The following FBXL7 variants were observed in gnomAD, a reference collection of about 807,000 sequenced individuals.
The protein encoded by FBXL7 is F-box and leucine rich repeat protein 7.
Under a neutral mutation model 38.3 loss-of-function variants are expected in FBXL7, and 12 were observed. The observed-to-expected ratio is 0.31, with a 90% CI of 0.20 to 0.51. The LOEUF is 0.51. FBXL7 is among the 20% of genes least tolerant of loss of function. The pLI is 0.98. For synonymous variants in FBXL7, 297 were observed against 300.9 expected, an observed-to-expected ratio of 0.99 and a Z score of 0.13; for missense variants, 567 against 676.4, an observed-to-expected ratio of 0.84 and a Z score of 1.79.
rs112324409 is a variant in FBXL7, at chr5:15,630,511, T to C, written c.127+14439T>C. ...TTTTTTTTGGTTCACTGATTTGTTATGGAGAAAAAGTTAAGACAAACATTC... is the reference window on the plus strand; with the variant it reads ...TTTTTTTTGGTTCACTGATTTGTTACGGAGAAAAAGTTAAGACAAACATTC... On this transcript the variant is annotated intron_variant, in intron 2 of 3. Transcript: ENST00000504595. Among the ~76,000 whole-genome samples, 1,033 of 152,156 alleles carry C rather than the reference T, an allele frequency of 6.8e-3. 10 individuals carry two copies. Among genetic ancestry groups the C allele is most frequent in the African/African-American group, 0.024 (1,003 of 41,522 alleles).
At chr5:15,564,293 G>T (rs1215381789) in intron 1 of FBXL7, among the ~76,000 whole-genome samples, 1 of 151,650 alleles carries the variant, frequency 6.6e-6, no homozygotes, top group Non-Finnish European at 1.5e-5. Context: ...TTTTAGTATA[G>T]TCATTCTTAC....
At position 15,928,587 on chromosome 5, in the gene FBXL7, T is replaced by G; in HGVS notation, c.739+86T>G. The G allele has an allele frequency of 1.3e-6, 2 of 1,498,156 alleles. No individual in the cohort carries two copies. 92.8% of individuals were successfully genotyped at this position (1,498,156 alleles called of 1,614,324 possible). ...GGACAGTGCCACCACCGGAGGGTCC[T>G]CTTCTTGCAAGCCATCAGAGATGGG... On this transcript the variant is annotated intron_variant, in intron 3 of 3. Coordinates refer to ENST00000504595, the MANE Select transcript of FBXL7 (RefSeq NM_012304.5). The surrounding 1 kb of genome is among the most constrained non-coding windows in gnomAD (Gnocchi z 4.0).
chr5:15,725,085 T>C (rs1476894857), intron 2 of FBXL7, among the ~76,000 whole-genome samples: 3 of 152,244 alleles, frequency 2.0e-5, no homozygotes, highest in Non-Finnish European at 4.4e-5. Context: ...TTCTGTGTCC[T>C]CTTGGGTAAG....
intron 2 of FBXL7, among the ~76,000 whole-genome samples, chr5:15,694,106 G>A (rs1173063901): frequency 6.6e-6 from 1 of 152,112 alleles, no homozygotes; most frequent in Admixed American, 6.6e-5. Context: ...CTCAACCCTA[G>A]ACGCTGCTGT....
intron 1 of FBXL7, among the ~76,000 whole-genome samples, chr5:15,549,877 T>G (rs1257141756): frequency 6.6e-6 from 1 of 152,172 alleles, no homozygotes; most frequent in Non-Finnish European, 1.5e-5. Context: ...ATCTGGCCAT[T>G]GCAGTTGGGG....
intron 2 of FBXL7, among the ~76,000 whole-genome samples, chr5:15,853,633 C>T (rs1739167302): frequency 6.6e-6 from 1 of 152,112 alleles, no homozygotes; most frequent in Admixed American, 6.6e-5. Flanking sequence ...AAGTCCAAGT[C>T]CTTCATGCCC....
intron 2 of FBXL7, among the ~76,000 whole-genome samples, chr5:15,703,087 A>G (rs1005705527): frequency 2.6e-5 from 4 of 152,228 alleles, no homozygotes; most frequent in Admixed American, 2.6e-4. Flanking sequence ...GGAACCAGCC[A>G]TCTGGATGTG....
At chr5:15,913,189 A>G (rs1741485571) in intron 2 of FBXL7, among the ~76,000 whole-genome samples, 1 of 151,208 alleles carries the variant, frequency 6.6e-6, no homozygotes, top group Non-Finnish European at 1.5e-5. Flanking sequence ...ACAAAACTTT[A>G]TGTTAAAAGA....
At chr5:15,734,056 A>C (rs1174410546) in intron 2 of FBXL7, among the ~76,000 whole-genome samples, 2 of 151,212 alleles carry the variant, frequency 1.3e-5, no homozygotes, top group Non-Finnish European at 1.5e-5. Flanking sequence ...GGAGGGTTGC[A>C]GTGCACCAAG....
At chr5:15,877,112 C>T (rs1472577953) in intron 2 of FBXL7, among the ~76,000 whole-genome samples, 2 of 152,158 alleles carry the variant, frequency 1.3e-5, no homozygotes, top group Non-Finnish European at 2.9e-5. Flanking sequence ...CAAATCAAAC[C>T]CCCAGCACAC....
chr5:15,876,810 T>A (rs1355684538), intron 2 of FBXL7, among the ~76,000 whole-genome samples: 1 of 152,198 alleles, frequency 6.6e-6, no homozygotes, highest in African/African-American at 2.4e-5. Context: ...TAGAAAGTAT[T>A]TTCACTACAT....
In FBXL7 at chr5:15,923,311, A is replaced by AAATAT. The variant is rs1443223639; in HGVS notation, c.128-4577_128-4573dup. Among the ~76,000 whole-genome samples, 9 of 152,326 alleles carry AAATAT rather than the reference A, an allele frequency of 5.9e-5. No individual in the cohort carries two copies. In the South Asian group the frequency reaches 1.2e-3, roughly 21 times the overall value. ...CTTTCTACATTCTCTTCTGTGAACG[A>AAATAT]AATATACTACTTAGGAGATAGAAAT... On this transcript the variant is annotated intron_variant, in intron 2 of 3. Transcript: ENST00000504595.
chr5:15,781,787 C>A (rs903484790), intron 2 of FBXL7, among the ~76,000 whole-genome samples: 1 of 151,972 alleles, frequency 6.6e-6, no homozygotes, highest in Non-Finnish European at 1.5e-5. Context: ...AAAACTGGGG[C>A]AGATGTTGAA....
At chr5:15,749,168 C>T (rs1233493633) in intron 2 of FBXL7, among the ~76,000 whole-genome samples, 1 of 147,200 alleles carries the variant, frequency 6.8e-6, no homozygotes, top group East Asian at 2.0e-4. Flanking sequence ...TTGCTTGAGC[C>T]CAGGAGACAG....
intron 2 of FBXL7, among the ~76,000 whole-genome samples, chr5:15,747,046 A>G (rs1385468097): frequency 6.6e-6 from 1 of 152,180 alleles, no homozygotes; most frequent in African/African-American, 2.4e-5. Flanking sequence ...TGTTAGTCAC[A>G]CCAACCTGGG....
chr5:15,847,017 C>T (rs927229398), intron 2 of FBXL7, among the ~76,000 whole-genome samples: 1 of 151,928 alleles, frequency 6.6e-6, no homozygotes, highest in Admixed American at 6.6e-5. Context: ...AATAGCAAAT[C>T]GTACACTCTT....
Position 15,939,282 on chromosome 5 carries a change from T to A in FBXL7, c.*2096T>A. The A allele has an allele frequency of 2.6e-6, 1 of 377,506 alleles. No homozygotes were observed. The allele number at this position is 377,506 out of a possible 1,614,324, so 23.4% of individuals were successfully genotyped here. Reference sequence around the variant, plus strand: ...GAAGTTGAAGGCAGCATTCCTCAGCTCTGTGACTTGTGACCCTATTTGAAG... The same window carrying A: ...GAAGTTGAAGGCAGCATTCCTCAGCACTGTGACTTGTGACCCTATTTGAAG... On this transcript the variant is annotated 3_prime_UTR_variant, in exon 4 of 4. Coordinates refer to ENST00000504595, the MANE Select transcript of FBXL7 (RefSeq NM_012304.5).
chr5:15,563,464 C>T (rs1016434761), intron 1 of FBXL7, among the ~76,000 whole-genome samples: 3 of 152,124 alleles, frequency 2.0e-5, no homozygotes, highest in Non-Finnish European at 4.4e-5. Context: ...GCTGCAACCA[C>T]TGGGGCTGCT....
At chr5:15,518,821 G>A (rs2126370151) in intron 1 of FBXL7, among the ~76,000 whole-genome samples, 1 of 152,244 alleles carries the variant, frequency 6.6e-6, no homozygotes, top group Non-Finnish European at 1.5e-5. Context: ...TGATACACTT[G>A]GGCATTTGTT....
Sources: allele counts gnomAD v4.1 joint callset (sites outside exome capture counted in the v4.1 genomes callset), GRCh38; gene constraint gnomAD v4.1.1; non-coding constraint Gnocchi (gnomAD v3.1); transcripts MANE v1.5; gene names NCBI Gene and HGNC (gene_info 2026-07-23, HGNC 2026-07-21).